The following AIF1L variants were observed in gnomAD, a reference collection of about 807,000 sequenced individuals.
The protein encoded by AIF1L is allograft inflammatory factor 1 like.
Under a neutral mutation model 20.7 loss-of-function variants are expected in AIF1L, and 12 were observed. That is an observed-to-expected ratio of 0.58 (90% CI 0.37 to 0.94). The LOEUF (loss-of-function observed/expected upper bound fraction) is 0.94. Among genes scored for constraint, AIF1L ranks in the 40% least tolerant of loss-of-function variants. The pLI is 0.01. For synonymous variants in AIF1L, 76 were observed against 65.1 expected (o/e 1.17, Z -0.81); for missense variants, 173 against 185.3 (o/e 0.93, Z 0.39).
At chr9:131,102,602 C>T (rs1348558931) in intron 2 of AIF1L, among the ~76,000 whole-genome samples, 1 of 152,196 alleles carries the variant, frequency 6.6e-6, no homozygotes, top group Non-Finnish European at 1.5e-5. Context: ...GCAGGGTGTG[C>T]TTTATTGCAT....
At position 131,117,913 on chromosome 9, in the gene AIF1L, C is replaced by T; in HGVS notation, c.360C>T (p.Leu120=). Residue 120 remains leucine (L), a synonymous_variant, in exon 5 of 6, where the codon CTC becomes CTT. Coordinates refer to ENST00000247291, the MANE Select transcript of AIF1L (RefSeq NM_031426.4). ...TGCTGGGGAAACGGTCGGCTGTCCT[C>T]AAGTTGTGAGTACCTCCTTCCTCCC... ...NMMLGKRSAV[L]KLVMMFEGKA... 1 of 1,609,368 alleles carries T rather than the reference C, an allele frequency of 6.2e-7. No individual in the cohort carries two copies. Among genetic ancestry groups the T allele is most frequent in the Non-Finnish European group, 8.5e-7 (1 of 1,177,620 alleles).
rs1392869755 is a variant in AIF1L at position 131,120,338 on chromosome 9, T to C, written c.*16T>C. 1 of 1,590,034 alleles carries C rather than the reference T, an allele frequency of 6.3e-7. No individual in the cohort carries two copies. Among genetic ancestry groups the C allele is most frequent in the Non-Finnish European group, 8.6e-7 (1 of 1,167,108 alleles). The stretch of plus-strand genomic sequence containing the variant: ...CCTGCCCTGAGGACCCCGCCTGGAC[T>C]CCCCAGCCTTCCCACCCCATACCTC... On this transcript the variant is annotated 3_prime_UTR_variant, in exon 6 of 6. Coordinates refer to ENST00000247291, the MANE Select transcript of AIF1L (RefSeq NM_031426.4).
At chr9:131,103,037 A>T (rs577719079) in intron 2 of AIF1L, 1 of 454,986 alleles carries the variant, frequency 2.2e-6, no homozygotes, top group African/African-American at 2.0e-5. Flanking sequence ...GGCAGGTGGG[A>T]GGGCTTCTGA....
At chr9:131,104,694 A>T (rs1188523491) in intron 2 of AIF1L, among the ~76,000 whole-genome samples, 5 of 152,182 alleles carry the variant, frequency 3.3e-5, no homozygotes, top group African/African-American at 1.2e-4. Context: ...AGCTGATTGT[A>T]TGGGCATAAG....
chr9:131,108,287 C>G (rs1048925238), intron 2 of AIF1L: 18 of 149,984 alleles, frequency 1.2e-4, no homozygotes, highest in African/African-American at 4.5e-4. Context: ...GCAACCTCCA[C>G]TTCCCAGGTG....
Position 131,121,396 on chromosome 9 carries a change from G to A in AIF1L, c.*1074G>A. 2.7e-6 allele frequency: 1 copy of A among 364,898 alleles called. No homozygotes were observed. The allele number at this position is 364,898 out of a possible 1,614,324, so 22.6% of individuals were successfully genotyped here. On this transcript the variant is annotated 3_prime_UTR_variant, in exon 6 of 6. Transcript: ENST00000247291. ...ACACGGTCTAACTCATCTCTCCCCAGATCTCTCAGAACCTTGAGCTTGGGA... is the reference window on the plus strand; with the variant it reads ...ACACGGTCTAACTCATCTCTCCCCAAATCTCTCAGAACCTTGAGCTTGGGA...
intron 2 of AIF1L, among the ~76,000 whole-genome samples, chr9:131,105,381 T>G (rs1189566650): frequency 6.6e-6 from 1 of 152,228 alleles, no homozygotes; most frequent in African/African-American, 2.4e-5. Flanking sequence ...GTTTTGTTTT[T>G]TAAGACAAAG....
Position 131,111,674 on chromosome 9 carries a change from G to A in AIF1L, c.160+11G>A. On this transcript the variant is annotated intron_variant, in intron 3 of 5. Coordinates refer to ENST00000247291, the MANE Select transcript of AIF1L (RefSeq NM_031426.4). ...TCACAGCCTTCAAAGGTAAGCTGGG[G>A]CGGGCTGCCCTGCATTTATTCCTGG... 1 of 1,613,322 alleles carries A rather than the reference G, an allele frequency of 6.2e-7. No homozygotes were observed. Among genetic ancestry groups the A allele is most frequent in the East Asian group, 2.2e-5 (1 of 44,884 alleles).
chr9:131,118,919 C>T (rs1398379450), intron 5 of AIF1L, among the ~76,000 whole-genome samples: 3 of 152,100 alleles, frequency 2.0e-5, no homozygotes, highest in African/African-American at 7.2e-5. Context: ...AAAAATTGGC[C>T]CCAAAGGGAG....
chr9:131,105,192 C>T (rs1588181254), intron 2 of AIF1L, among the ~76,000 whole-genome samples: 1 of 152,120 alleles, frequency 6.6e-6, no homozygotes, highest in South Asian at 2.1e-4. Flanking sequence ...GGCGTGGCAG[C>T]CTGGCTGGTG....
Position 131,111,830 on chromosome 9 carries a change from G to A in AIF1L, c.160+167G>A, listed in dbSNP as rs1242899823. On this transcript the variant is annotated intron_variant, in intron 3 of 5. Coordinates refer to ENST00000247291, the MANE Select transcript of AIF1L (RefSeq NM_031426.4). ...TGGAGACAGGGACCCCCTGAGAGGTGGGGAGAGGCCCCTCCACCTGCCTCC... is the reference window on the plus strand; with the variant it reads ...TGGAGACAGGGACCCCCTGAGAGGTAGGGAGAGGCCCCTCCACCTGCCTCC... 6 of 698,918 alleles carry A rather than the reference G, an allele frequency of 8.6e-6. No homozygotes were observed. The Admixed American group carries it at 1.4e-4, about 16-fold the overall frequency. The allele number at this position is 698,918 out of a possible 1,614,324, so 43.3% of individuals were successfully genotyped here. A position where few individuals can be genotyped will look rare whatever the true frequency, so the allele number is the denominator to read the frequency against.
chr9:131,114,567 TG>T lies in AIF1L; in HGVS notation c.161-9del, dbSNP rs758827562. ...CAAACTAATGCTAGTTTTTGCTCTG[TG>T]ATTTCCAGAGAAGTACATGGAGTTT... On this transcript the variant is annotated splice_polypyrimidine_tract_variant and intron_variant, in intron 3 of 5. Coordinates refer to ENST00000247291, the MANE Select transcript of AIF1L (RefSeq NM_031426.4). 6.2e-7 allele frequency: 1 copy of T among 1,613,962 alleles called. No individual in the cohort carries two copies. Among genetic ancestry groups the T allele is most frequent in the South Asian group, 1.1e-5 (1 of 91,078 alleles).
chr9:131,114,663 G>A (rs1830967797), intron 4 of AIF1L, 45 bp downstream of exon 4: 1 of 1,611,232 alleles, frequency 6.2e-7, no homozygotes, highest in Non-Finnish European at 8.5e-7. Context: ...GTGTTAAGTG[G>A]GTAGAGGGCT....
At chr9:131,106,813 A>C (rs1272495661) in intron 2 of AIF1L, among the ~76,000 whole-genome samples, 1 of 146,988 alleles carries the variant, frequency 6.8e-6, no homozygotes, top group Non-Finnish European at 1.5e-5. Flanking sequence ...GGTGACATTG[A>C]GGCTGGGTGT....
intron 4 of AIF1L, 113 bp from the exon 5 acceptor site, chr9:131,117,643 G>T (rs1415724480): frequency 8.9e-7 from 1 of 1,119,760 alleles, no homozygotes; most frequent in Non-Finnish European, 1.3e-6. Context: ...CCTAGAGAAG[G>T]AGTGCAGACG....
intron 2 of AIF1L, among the ~76,000 whole-genome samples, chr9:131,097,163 G>C (rs2133368150): frequency 6.6e-6 from 1 of 152,336 alleles, no homozygotes; most frequent in South Asian, 2.1e-4. Flanking sequence ...CCGCAAGCCC[G>C]CTTGGGAGCA....
rs73658933 is a variant in AIF1L at position 131,121,284 on chromosome 9, C to T, written c.*962C>T. On this transcript the variant is annotated 3_prime_UTR_variant, in exon 6 of 6. Coordinates refer to ENST00000247291, the MANE Select transcript of AIF1L (RefSeq NM_031426.4). ...CTTCCTACCCTACTCACATAATTCA[C>T]TCATTGACTCACTCATTCACCAGAT... 1,645 of 582,896 alleles carry T rather than the reference C, an allele frequency of 2.8e-3. 19 individuals are homozygous for T. Among genetic ancestry groups the T allele is most frequent in the African/African-American group, 0.027 (1,444 of 53,788 alleles). 36.1% of individuals were successfully genotyped at this position (582,896 alleles called of 1,614,324 possible).
At chr9:131,114,421 C>T in intron 3 of AIF1L, 156 bp from the exon 4 acceptor site, 3 of 753,812 alleles carry the variant, frequency 4.0e-6, no homozygotes, top group South Asian at 3.1e-5. Flanking sequence ...GGCCATGGCT[C>T]AGCGGATGGG....
intron 3 of AIF1L, among the ~76,000 whole-genome samples, chr9:131,113,064 C>T (rs778734871): frequency 2.6e-5 from 4 of 152,000 alleles, no homozygotes; most frequent in Non-Finnish European, 4.4e-5. Flanking sequence ...TGTTCTCGCT[C>T]GGGGGGCGGT....
Sources: gnomAD v4.1 joint callset for allele counts (sites outside exome capture counted in the v4.1 genomes callset) on GRCh38, gnomAD v4.1.1 for gene constraint, MANE v1.5 for transcripts, NCBI Gene and HGNC (gene_info 2026-07-23, HGNC 2026-07-21) for gene names.